Variants in EPHB2 observed in about 807,000 individuals in gnomAD.
The protein encoded by EPHB2 is EPH receptor B2.
In EPHB2, 18 loss-of-function variants were observed where a neutral mutation model predicts 96.4. The ratio of observed to expected loss-of-function variants is 0.19; its 90% CI spans 0.13 to 0.28. EPHB2 has a LOEUF of 0.28. Among genes scored for constraint, EPHB2 ranks in the 10% least tolerant of loss-of-function variants. The pLI is 1.00. For missense variants in EPHB2, 989 were observed against 1,355.4 expected (o/e 0.73, Z 4.25); for synonymous variants, 506 against 534.1 (o/e 0.95, Z 0.72).
At chr1:22,812,798 G>A (rs551215913) in intron 3 of EPHB2, among the ~76,000 whole-genome samples, 4 of 152,272 alleles carry the variant, frequency 2.6e-5, no homozygotes, top group South Asian at 2.1e-4. Flanking sequence ...GGTGGGAGTC[G>A]AGCATTGCCG....
chr1:22,789,994 G>A (rs1644668575), intron 3 of EPHB2, among the ~76,000 whole-genome samples: 1 of 152,158 alleles, frequency 6.6e-6, no homozygotes, highest in African/African-American at 2.4e-5. Context: ...ACGAGGCAGA[G>A]TATGGTGCTG....
At chr1:22,748,593 G>A (rs1371512171) in intron 1 of EPHB2, among the ~76,000 whole-genome samples, 1 of 151,414 alleles carries the variant, frequency 6.6e-6, no homozygotes, top group African/African-American at 2.4e-5. Context: ...TGTTGGTCAG[G>A]CTGGTCTCGA....
intron 3 of EPHB2, among the ~76,000 whole-genome samples, chr1:22,804,184 C>CCGCG (rs571675733): frequency 3.0e-4 from 46 of 152,288 alleles, no homozygotes; most frequent in Admixed American, 2.9e-3. Flanking sequence ...TCCCAGGCTG[C>CCGCG]CGCGGCCAGT....
rs1472266126 is a variant in EPHB2 at position 22,914,800 on chromosome 1, T to G, written c.*1230T>G. 1 of 152,468 alleles carries G rather than the reference T, an allele frequency of 6.6e-6. No individual in the cohort carries two copies. The highest frequency in any genetic ancestry group is 1.5e-5 in the Non-Finnish European group (1 of 68,038). 9.4% of individuals were successfully genotyped at this position (152,468 alleles called of 1,614,324 possible). On this transcript the variant is annotated 3_prime_UTR_variant, in exon 16 of 16. Transcript: ENST00000374630. ...GGGCCATTCAGAGACTGGAGTGAGA[T>G]TTGGGTGTGGAGGGGGAGGCGCCAA...
chr1:22,859,335 G>T (rs1645756635), intron 3 of EPHB2, among the ~76,000 whole-genome samples: 1 of 150,854 alleles, frequency 6.6e-6, no homozygotes, highest in African/African-American at 2.4e-5. Flanking sequence ...GTGTGAGAGA[G>T]CACCAGACAC....
intron 1 of EPHB2, among the ~76,000 whole-genome samples, chr1:22,737,642 C>T (rs187606941): frequency 5.9e-5 from 9 of 152,288 alleles, no homozygotes; most frequent in African/African-American, 1.7e-4. Flanking sequence ...ATTCTTATAA[C>T]ACCAAGGTAT....
At chr1:22,843,371 G>T (rs2148500575) in intron 3 of EPHB2, among the ~76,000 whole-genome samples, 1 of 152,278 alleles carries the variant, frequency 6.6e-6, no homozygotes, top group East Asian at 1.9e-4. Context: ...TATTTTAGGA[G>T]TACATGTGAA....
At position 22,913,789 on chromosome 1, in the gene EPHB2, T is replaced by A. The variant is rs892435587; in HGVS notation, c.*219T>A. 1 of 1,609,270 alleles carries A rather than the reference T, an allele frequency of 6.2e-7. No homozygotes were observed. Among genetic ancestry groups the A allele is most frequent in the African/African-American group, 1.3e-5 (1 of 74,834 alleles). ...GAATGGGAAAAAAGAAAACAGATCCTGGGAGGGGGCGGGAAATACAAGGAA... is the reference window on the plus strand; with the variant it reads ...GAATGGGAAAAAAGAAAACAGATCCAGGGAGGGGGCGGGAAATACAAGGAA... On this transcript the variant is annotated 3_prime_UTR_variant, in exon 16 of 16. Transcript: ENST00000374630. The surrounding 1 kb of genome is among the most constrained non-coding windows in gnomAD (Gnocchi z 4.1).
At chr1:22,761,082 G>A (rs1486553680) in intron 1 of EPHB2, among the ~76,000 whole-genome samples, 1 of 152,142 alleles carries the variant, frequency 6.6e-6, no homozygotes, top group Non-Finnish European at 1.5e-5. Context: ...TGGGAGGCTT[G>A]TGGAAAATAC....
At chr1:22,825,363 G>A (rs1327372697) in intron 3 of EPHB2, among the ~76,000 whole-genome samples, 2 of 152,134 alleles carry the variant, frequency 1.3e-5, no homozygotes, top group East Asian at 1.9e-4. Context: ...CTAACTCCTC[G>A]GATGATCCAG....
chr1:22,915,561 C>CA lies in EPHB2; in HGVS notation c.*1991_*1992insA. On this transcript the variant is annotated 3_prime_UTR_variant, in exon 16 of 16. Transcript: ENST00000374630. ...TGGAAGTGGCTCAGAACTCAGCCTT[C>CA]GATGCCCTGGGAATCAGGGTGAGCC... is the stretch of plus-strand genomic sequence containing the variant. The CA allele has an allele frequency of 6.6e-6, 1 of 152,152 alleles. No homozygotes were observed. The highest frequency in any genetic ancestry group is 1.5e-5 in the Non-Finnish European group (1 of 68,056). 9.4% of individuals were successfully genotyped at this position (152,152 alleles called of 1,614,324 possible).
chr1:22,828,271 C>T (rs1218630124), intron 3 of EPHB2, among the ~76,000 whole-genome samples: 1 of 152,140 alleles, frequency 6.6e-6, no homozygotes, highest in Non-Finnish European at 1.5e-5. Flanking sequence ...TGAGTGGGTG[C>T]ATATGCCTCT....
rs188856941 is a variant in EPHB2, at chr1:22,781,024, C to T, written c.62-397C>T. On this transcript the variant is annotated intron_variant, in intron 1 of 15. Coordinates refer to ENST00000374630, the MANE Select transcript of EPHB2 (RefSeq NM_017449.5). The stretch of plus-strand genomic sequence containing the variant: ...CTCTCAGTAAAGAAGGATGAGGGCC[C>T]GGCCGTGAGGGTCTGGCCGGGCACG... Among the ~76,000 whole-genome samples, 298 of 152,030 alleles carry T rather than the reference C, an allele frequency of 2.0e-3. 2 individuals carry two copies. The highest frequency in any genetic ancestry group is 6.8e-3 in the African/African-American group (282 of 41,462).
At chr1:22,761,343 G>C (rs1359967353) in intron 1 of EPHB2, among the ~76,000 whole-genome samples, 1 of 152,182 alleles carries the variant, frequency 6.6e-6, no homozygotes. Context: ...ATCGTGGGGG[G>C]AGATAATTAT....
intron 3 of EPHB2, among the ~76,000 whole-genome samples, chr1:22,841,348 C>G (rs935407462): frequency 4.6e-5 from 7 of 152,176 alleles, no homozygotes; most frequent in African/African-American, 7.2e-5. Flanking sequence ...TTCCTGTGAT[C>G]TTAACCAGGG....
chr1:22,841,166 A>G (rs1176473743), intron 3 of EPHB2, among the ~76,000 whole-genome samples: 1 of 152,232 alleles, frequency 6.6e-6, no homozygotes, highest in African/African-American at 2.4e-5. Context: ...GAGCAGTGTG[A>G]CGGGCTCTAA....
rs1490098691 is a variant in EPHB2, at chr1:22,908,122, G to A, written c.2306G>A (p.Arg769His). Residue 769 changes from arginine to histidine, a missense_variant, in exon 12 of 16, where the codon CGC becomes CAC. Transcript: ENST00000374630. ...VCKVSDFGLS[R>H]FLEDDTSDPT... Reference sequence around the variant, plus strand: ...AAGGTGTCGGACTTTGGGCTCTCACGCTTTCTAGAGGACGATACCTCAGAC... The same window carrying A: ...AAGGTGTCGGACTTTGGGCTCTCACACTTTCTAGAGGACGATACCTCAGAC... 7 of 1,614,080 alleles carry A rather than the reference G, an allele frequency of 4.3e-6. No individual in the cohort carries two copies. The highest frequency in any genetic ancestry group is 5.1e-6 in the Non-Finnish European group (6 of 1,180,030).
intron 3 of EPHB2, among the ~76,000 whole-genome samples, chr1:22,851,154 C>T (rs1486760223): frequency 2.0e-5 from 3 of 152,098 alleles, no homozygotes; most frequent in Non-Finnish European, 4.4e-5. Flanking sequence ...GCCACCACGC[C>T]CAGCTCATTT....
chr1:22,834,699 C>T (rs1645354462), intron 3 of EPHB2, among the ~76,000 whole-genome samples: 1 of 151,524 alleles, frequency 6.6e-6, no homozygotes, highest in African/African-American at 2.4e-5. Context: ...CTGAGGTGGG[C>T]GGATCACTTG....
Sources: allele counts gnomAD v4.1 joint callset (sites outside exome capture counted in the v4.1 genomes callset), GRCh38; gene constraint gnomAD v4.1.1; non-coding constraint Gnocchi (gnomAD v3.1); transcripts MANE v1.5; gene names NCBI Gene and HGNC (gene_info 2026-07-23, HGNC 2026-07-21).